TSNARE1: variants seen among roughly 807,000 people sequenced by gnomAD.
TSNARE1 encodes t-SNARE domain-containing protein 1.
TSNARE1 carries 49 observed loss-of-function variants against 62.0 expected under a neutral mutation model. That is an observed-to-expected ratio of 0.79 (90% CI 0.63 to 1.00). The LOEUF (loss-of-function observed/expected upper bound fraction) is 1.00. Among genes scored for constraint, TSNARE1 ranks in the 50% least tolerant of loss-of-function variants. TSNARE1 has a pLI of 0.00. For missense variants in TSNARE1, 755 were observed against 700.1 expected (o/e 1.08, Z -0.88); for synonymous variants, 328 against 294.4 (o/e 1.11, Z -1.17).
intron 12 of TSNARE1, among the ~76,000 whole-genome samples, chr8:142,231,496 C>T (rs1039007615): frequency 6.6e-6 from 1 of 152,176 alleles, no homozygotes; most frequent in African/African-American, 2.4e-5. Flanking sequence ...GGGGGGCAGT[C>T]AACCCTCCTG....
intron 1 of TSNARE1, among the ~76,000 whole-genome samples, chr8:142,371,452 C>A (rs1383842352): frequency 6.6e-6 from 1 of 152,150 alleles, no homozygotes; most frequent in African/African-American, 2.4e-5. Context: ...TGATGCACGA[C>A]TGTACAAATT....
At position 142,343,804 on chromosome 8, in the gene TSNARE1, G is replaced by GGAGGAGGAGGAGGAGGAGGAGGAGGGGA. The variant is rs1554667214; in HGVS notation, c.745+161_745+162insTCCCCTCCTCCTCCTCCTCCTCCTCCTC. 7.0e-5 allele frequency among the ~76,000 whole-genome samples: 5 copies of GGAGGAGGAGGAGGAGGAGGAGGAGGGGA among 71,106 alleles called. No individual in the cohort carries two copies. The East Asian group carries it at 2.7e-3, about 38-fold the overall frequency. 46.6% of individuals were successfully genotyped at this position (71,106 alleles called of 152,430 possible). On this transcript the variant is annotated intron_variant, in intron 4 of 13. Transcript: ENST00000524325. Reference sequence around the variant, plus strand: ...AGGAGGAGGAGGAGGAGGGGGAGGAGGAGGAGGAGGGGAGAGGAGGAGGGG... The same window carrying GGAGGAGGAGGAGGAGGAGGAGGAGGGGA: ...AGGAGGAGGAGGAGGAGGGGGAGGAGGAGGAGGAGGAGGAGGAGGAGGAGGGGAGAGGAGGAGGGGAGAGGAGGAGGGG...
At chr8:142,269,796 C>T in intron 12 of TSNARE1, 1 of 985,442 alleles carries the variant, frequency 1.0e-6, no homozygotes, top group Non-Finnish European at 1.2e-6. Flanking sequence ...GCACCATGCG[C>T]ACCCATAGAA....
chr8:142,233,007 A>G (rs926417151), intron 12 of TSNARE1, among the ~76,000 whole-genome samples: 19 of 152,162 alleles, frequency 1.2e-4, no homozygotes, highest in Middle Eastern at 3.2e-3. Context: ...TCCTCACTCC[A>G]GCAGGCACCC....
chr8:142,282,584 G>A lies in TSNARE1; in HGVS notation c.1363+1829C>T, dbSNP rs1237882247. Among the ~76,000 whole-genome samples, 7 of 151,144 alleles carry A rather than the reference G, an allele frequency of 4.6e-5. No homozygotes were observed. The East Asian group carries it at 5.8e-4, about 13-fold the overall frequency. ...GTGTCTGTCAATGAGCGGAGGTGGGGCCAGTGTCTATCAATGAGCAGAGGG... is the reference window on the plus strand; with the variant it reads ...GTGTCTGTCAATGAGCGGAGGTGGGACCAGTGTCTATCAATGAGCAGAGGG... On this transcript the variant is annotated intron_variant, in intron 11 of 13. Coordinates refer to ENST00000524325, the MANE Select transcript of TSNARE1 (RefSeq NM_145003.5).
chr8:142,271,490 G>A (rs537385247), intron 12 of TSNARE1: 13 of 1,295,122 alleles, frequency 1.0e-5, no homozygotes, highest in South Asian at 9.6e-5. Context: ...TGCTGGCGCC[G>A]AAGAGGGCGG....
chr8:142,284,390 C>T (rs1401336967), intron 11 of TSNARE1, 23 bp downstream of exon 11: 14 of 1,607,618 alleles, frequency 8.7e-6, no homozygotes, highest in African/African-American at 1.3e-5. Flanking sequence ...AGCAGGTGGC[C>T]CGAGGCTGGG....
chr8:142,373,221 A>G (rs1476981334), intron 1 of TSNARE1, among the ~76,000 whole-genome samples: 1 of 152,200 alleles, frequency 6.6e-6, no homozygotes, highest in African/African-American at 2.4e-5. Context: ...CAACTCCCTT[A>G]GGAAGAAAAC....
intron 12 of TSNARE1, among the ~76,000 whole-genome samples, chr8:142,249,245 T>C (rs58070749): frequency 0.064 from 9,708 of 151,632 alleles, 393 homozygotes; most frequent in African/African-American, 0.11. Context: ...CCGGACGGGG[T>C]GAGGGCGGTG....
intron 13 of TSNARE1, among the ~76,000 whole-genome samples, chr8:142,215,708 C>T (rs7839749): frequency 1.8e-4 from 28 of 152,300 alleles, no homozygotes; most frequent in African/African-American, 6.7e-4. Context: ...GAGGGAAGTC[C>T]CTGCCCCACC....
chr8:142,270,480 G>A, intron 12 of TSNARE1: 1 of 839,458 alleles, frequency 1.2e-6, no homozygotes, highest in Non-Finnish European at 1.4e-6. Context: ...TAATATATAG[G>A]CATATATATA....
intron 1 of TSNARE1, among the ~76,000 whole-genome samples, chr8:142,382,715 G>A (rs1836856714): frequency 6.6e-6 from 1 of 152,234 alleles, no homozygotes; most frequent in African/African-American, 2.4e-5. Context: ...GAGGAAAGCT[G>A]TTCACTTCAC....
chr8:142,291,042 G>A lies in TSNARE1; in HGVS notation c.1291-6557C>T, dbSNP rs537106371. On this transcript the variant is annotated intron_variant, in intron 10 of 13. Transcript: ENST00000524325. The surrounding 1 kb of genome is among the most constrained non-coding windows in gnomAD (Gnocchi z 4.8). ...GCTGGCAGTGGACTGAAGGGCACGC[G>A]CCTGTTCCCTCCAACCTCTCCTGCC... 2.0e-5 allele frequency among the ~76,000 whole-genome samples: 3 copies of A among 152,224 alleles called. No homozygotes were observed. The highest frequency in any genetic ancestry group is 6.5e-5 in the Admixed American group (1 of 15,278).
At chr8:142,287,771 G>C (rs1439742185) in intron 10 of TSNARE1, among the ~76,000 whole-genome samples, 1 of 144,890 alleles carries the variant, frequency 6.9e-6, no homozygotes, top group Non-Finnish European at 1.5e-5. Context: ...CCAGGACCCC[G>C]GCCAGATCTC....
intron 13 of TSNARE1, among the ~76,000 whole-genome samples, chr8:142,213,543 G>A (rs1022031207): frequency 3.3e-5 from 5 of 152,148 alleles, no homozygotes; most frequent in Admixed American, 2.6e-4. Context: ...CCAGTTGCCT[G>A]GCCGTGGGCA....
chr8:142,264,991 C>A (rs1221536459), intron 12 of TSNARE1, among the ~76,000 whole-genome samples: 1 of 151,898 alleles, frequency 6.6e-6, no homozygotes, highest in Non-Finnish European at 1.5e-5. Flanking sequence ...GCATTTTTTG[C>A]CTTCTCCTTT....
At chr8:142,283,487 C>T (rs544858183) in intron 11 of TSNARE1, among the ~76,000 whole-genome samples, 134 of 146,488 alleles carry the variant, frequency 9.1e-4, no homozygotes, top group Admixed American at 2.4e-3. Context: ...GGGCCAGTGT[C>T]TGTCAATGAG....
At chr8:142,294,788 CTAAT>C (rs1056906790) in intron 10 of TSNARE1, among the ~76,000 whole-genome samples, 4 of 152,244 alleles carry the variant, frequency 2.6e-5, no homozygotes, top group Non-Finnish European at 5.9e-5. Context: ...TGGACACGAC[CTAAT>C]TAGATGCTCA....
chr8:142,239,691 C>G (rs1026536099), intron 12 of TSNARE1, among the ~76,000 whole-genome samples: 1 of 152,162 alleles, frequency 6.6e-6, no homozygotes, highest in Non-Finnish European at 1.5e-5. Context: ...CAGGAAAACC[C>G]GAGTGGGGCC....
Sources: allele counts gnomAD v4.1 joint callset (sites outside exome capture counted in the v4.1 genomes callset), GRCh38; gene constraint gnomAD v4.1.1; non-coding constraint Gnocchi (gnomAD v3.1); transcripts MANE v1.5; gene names NCBI Gene and HGNC (gene_info 2026-07-23, HGNC 2026-07-21).